MATR3: variants seen among roughly 807,000 people sequenced by gnomAD.
The protein encoded by MATR3 is matrin 3.
A neutral mutation model predicts 85.5 loss-of-function variants in MATR3; 4 were observed. The observed-to-expected ratio is 0.05, with a 90% CI of 0.02 to 0.11. The LOEUF (loss-of-function observed/expected upper bound fraction) is 0.11, where lower values mean the gene tolerates loss of function less well. Among genes scored for constraint, MATR3 ranks in the 10% least tolerant of loss-of-function variants. MATR3 has a pLI of 1.00. For synonymous variants in MATR3, 336 were observed against 343.1 expected (o/e 0.98, Z 0.23); for missense variants, 685 against 1,016.1 (o/e 0.67, Z 4.43).
At chr5:139,294,632 T>A (rs952772665) in intron 1 of MATR3, 1 of 152,214 alleles carries the variant, frequency 6.6e-6, no homozygotes, top group African/African-American at 2.4e-5. Flanking sequence ...TGATTTGCAC[T>A]TGTTTAGTCA....
In MATR3 at chr5:139,331,114, A is replaced by G. The variant is rs755934666; in HGVS notation, c.*1719A>G. ...CCAAGAAACAAAGTTTTAATTTCAAAAAAATCTACAAAAACAGGATAGGCA... is the reference window on the plus strand; with the variant it reads ...CCAAGAAACAAAGTTTTAATTTCAAGAAAATCTACAAAAACAGGATAGGCA... On this transcript the variant is annotated 3_prime_UTR_variant, in exon 15 of 15. Transcript: ENST00000394805. 4.4e-6 allele frequency: 2 copies of G among 454,082 alleles called. No individual in the cohort carries two copies. Among genetic ancestry groups the G allele is most frequent in the South Asian group, 1.6e-5 (1 of 64,480 alleles). 28.1% of individuals were successfully genotyped at this position (454,082 alleles called of 1,614,324 possible).
chr5:139,300,119 C>T (rs1581223728), intron 1 of MATR3, among the ~76,000 whole-genome samples: 1 of 152,178 alleles, frequency 6.6e-6, no homozygotes, highest in East Asian at 1.9e-4. Context: ...AATCCCAGCA[C>T]TTTGGGAGGC....
Position 139,322,919 on chromosome 5 carries a change from G to T in MATR3, c.2100G>T (p.Val700=). 1 of 1,613,312 alleles carries T rather than the reference G, an allele frequency of 6.2e-7. No individual in the cohort carries two copies. Among genetic ancestry groups the T allele is most frequent in the Middle Eastern group, 1.7e-4 (1 of 6,058 alleles). ...DGKKEPSDKA[V]KKDGSASAAA... ...AAAAGGAACCATCAGATAAAGCTGT[G>T]AAAAAAGATGGAAGTGCTTCAGCAG... Residue 700 remains valine, a synonymous_variant, in exon 12 of 15, where the codon GTG becomes GTT. Transcript: ENST00000394805.
At chr5:139,314,629 A>T in intron 2 of MATR3, 46 bp from the exon 3 acceptor site, 1 of 1,493,930 alleles carries the variant, frequency 6.7e-7, no homozygotes. Context: ...AGATGAAAAT[A>T]TTTCAGCTTT....
chr5:139,316,222 C>T (rs1390010333), intron 5 of MATR3, 34 bp downstream of exon 5: 1 of 1,494,326 alleles, frequency 6.7e-7, no homozygotes, highest in African/African-American at 1.4e-5. Context: ...CTTTTCCCTA[C>T]AGAGCCGTTA....
chr5:139,277,919 A>C (rs1400698048), intron 2 of MATR3, among the ~76,000 whole-genome samples: 1 of 152,070 alleles, frequency 6.6e-6, no homozygotes, highest in Admixed American at 6.6e-5. Flanking sequence ...GAAAACATTT[A>C]GTATCTTTTA....
intron 1 of MATR3, among the ~76,000 whole-genome samples, chr5:139,299,541 G>T (rs1349549164): frequency 6.6e-6 from 1 of 152,100 alleles, no homozygotes; most frequent in Non-Finnish European, 1.5e-5. Flanking sequence ...CGGGTATAGT[G>T]GTGCATGCCT....
intron 7 of MATR3, 63 bp downstream of exon 7, chr5:139,317,784 T>A: frequency 7.1e-7 from 1 of 1,416,050 alleles, no homozygotes. Context: ...TCTGCAAGAA[T>A]TAAATGATTT....
At chr5:139,293,735 A>G (rs1029924289), upstream of MATR3, 5 of 359,076 alleles carry the variant, frequency 1.4e-5, no homozygotes, top group African/African-American at 4.2e-5. Context: ...GCTGCGGGGG[A>G]TTGTGGGAGT....
chr5:139,285,866 C>T (rs1554143283), intron 3 of MATR3, among the ~76,000 whole-genome samples: 1 of 151,236 alleles, frequency 6.6e-6, no homozygotes, highest in Non-Finnish European at 1.5e-5. Context: ...TGAAATTAGT[C>T]AGAGGAAAAA....
intron 2 of MATR3, chr5:139,309,907 A>G (rs1031364626): frequency 1.3e-5 from 2 of 152,184 alleles, no homozygotes; most frequent in African/African-American, 2.4e-5. Flanking sequence ...AAATGTCAGT[A>G]TGACCAATAT....
chr5:139,290,438 CTTTTTTTTTTTT>C (rs762364450), upstream of MATR3, among the ~76,000 whole-genome samples: 31 of 44,978 alleles, frequency 6.9e-4, no homozygotes, highest in South Asian at 8.4e-3. Context: ...CCTGGCCGCT[CTTTTTTTTTTTT>C]TTTTTTTTTT....
In MATR3 at chr5:139,293,946, C is replaced by T. The variant is rs1354428666; in HGVS notation, c.-178+141C>T. The T allele has an allele frequency of 4.1e-6, 5 of 1,207,930 alleles. No individual in the cohort carries two copies. In the Admixed American group the frequency reaches 1.3e-4, roughly 30 times the overall value. The allele number at this position is 1,207,930 out of a possible 1,614,324, so 74.8% of individuals were successfully genotyped here. ...CTCGCTCCCGCTCTGCCTCCCTCCG[C>T]GTTGCGTATGTGAGCCGCCTGATCG... On this transcript the variant is annotated intron_variant, in intron 1 of 14. Coordinates refer to ENST00000394805, the MANE Select transcript of MATR3 (RefSeq NM_018834.6).
intron 9 of MATR3, among the ~76,000 whole-genome samples, chr5:139,320,307 CAAAA>C (rs542669499): frequency 6.8e-6 from 1 of 146,764 alleles, no homozygotes; most frequent in Non-Finnish European, 1.5e-5. Context: ...GACTCCATCT[CAAAA>C]AAAAAAATTT....
chr5:139,287,175 A>G (rs1753732264), intron 3 of MATR3, among the ~76,000 whole-genome samples: 1 of 152,234 alleles, frequency 6.6e-6, no homozygotes, highest in African/African-American at 2.4e-5. Context: ...GTCATTGATG[A>G]CAGGACTCCT....
chr5:139,319,265 T>A (rs1420414377), intron 8 of MATR3, 69 bp from the exon 9 acceptor site: 2 of 1,464,906 alleles, frequency 1.4e-6, no homozygotes, highest in Non-Finnish European at 9.6e-7. Context: ...TGGTAAAGAC[T>A]AGGATGTTTT....
intron 1 of MATR3, chr5:139,274,201 C>A (rs1273730211): frequency 5.3e-6 from 2 of 378,112 alleles, no homozygotes; most frequent in East Asian, 1.4e-4. Flanking sequence ...TGGAGGTTTC[C>A]CAGCCTGGGG....
chr5:139,301,240 C>T (rs958022298), intron 1 of MATR3, among the ~76,000 whole-genome samples: 1 of 152,116 alleles, frequency 6.6e-6, no homozygotes, highest in Non-Finnish European at 1.5e-5. Flanking sequence ...TTTTGGGCCC[C>T]CAAAATTCAG....
intron 3 of MATR3, among the ~76,000 whole-genome samples, chr5:139,288,185 G>T (rs1037150579): frequency 6.6e-6 from 1 of 152,140 alleles, no homozygotes; most frequent in African/African-American, 2.4e-5. Context: ...GTGCACTCCA[G>T]CCTGGGAAAC....
Sources: allele counts gnomAD v4.1 joint callset (sites outside exome capture counted in the v4.1 genomes callset), GRCh38; gene constraint gnomAD v4.1.1; transcripts MANE v1.5; gene names NCBI Gene and HGNC (gene_info 2026-07-23, HGNC 2026-07-21).